Variants in SP4 observed in about 807,000 individuals in gnomAD.
SP4 encodes transcription factor Sp4.
A neutral mutation model predicts 72.8 loss-of-function variants in SP4; 19 were observed. The ratio of observed to expected loss-of-function variants is 0.26; its 90% CI spans 0.18 to 0.38. The LOEUF (loss-of-function observed/expected upper bound fraction) is 0.38. Among genes scored for constraint, SP4 ranks in the 10% least tolerant of loss-of-function variants. The probability of loss-of-function intolerance (pLI) is 1.00; values close to 1 mark genes in which losing one functional copy is unlikely to be tolerated. For missense variants in SP4, 1,008 were observed against 926.3 expected (o/e 1.09, Z -1.14); for synonymous variants, 395 against 333.1 (o/e 1.19, Z -2.02).
intron 5 of SP4, among the ~76,000 whole-genome samples, chr7:21,510,350 C>T (rs201674962): frequency 1.3e-4 from 20 of 152,002 alleles, no homozygotes; most frequent in South Asian, 2.1e-4. Context: ...ACAAAAAGGC[C>T]TTTTTGTTTT....
At chr7:21,477,370 T>A in intron 4 of SP4, 63 bp downstream of exon 4, 2 of 1,020,504 alleles carry the variant, frequency 2.0e-6, no homozygotes, top group Non-Finnish European at 1.5e-6. Flanking sequence ...TAAAACCAAG[T>A]AATTGGCTGG....
At chr7:21,480,563 T>G (rs1425252469) in intron 4 of SP4, among the ~76,000 whole-genome samples, 4 of 152,202 alleles carry the variant, frequency 2.6e-5, no homozygotes, top group Admixed American at 2.0e-4. Context: ...TTCTATAAGG[T>G]TGGTAGTGAT....
chr7:21,450,732 C>G (rs1209019850), intron 3 of SP4, among the ~76,000 whole-genome samples: 3 of 152,188 alleles, frequency 2.0e-5, no homozygotes, highest in African/African-American at 7.2e-5. Flanking sequence ...ATACTACATA[C>G]TAGCTTGTTA....
At chr7:21,477,870 G>A (rs57213984) in intron 4 of SP4, among the ~76,000 whole-genome samples, 15 of 151,826 alleles carry the variant, frequency 9.9e-5, no homozygotes, top group Non-Finnish European at 1.9e-4. Flanking sequence ...AAATATTTAC[G>A]TAACTTTATT....
chr7:21,451,681 T>C (rs538190300), intron 3 of SP4, among the ~76,000 whole-genome samples: 4 of 152,224 alleles, frequency 2.6e-5, no homozygotes, highest in South Asian at 2.1e-4. Flanking sequence ...GAGTCCCCTA[T>C]AGAAGGGTGA....
intron 5 of SP4, among the ~76,000 whole-genome samples, chr7:21,484,824 C>T (rs1389417168): frequency 6.6e-6 from 1 of 151,766 alleles, no homozygotes; most frequent in Admixed American, 6.6e-5. Context: ...TCTTACACAT[C>T]CACACACTTG....
chr7:21,467,209 A>G (rs756809922), intron 3 of SP4, among the ~76,000 whole-genome samples: 16 of 152,112 alleles, frequency 1.1e-4, no homozygotes, highest in Non-Finnish European at 1.9e-4. Context: ...GTGACAACCA[A>G]AAATGTCTCC....
intron 3 of SP4, 126 bp from the exon 4 acceptor site, chr7:21,476,953 C>A (rs1453824647): frequency 4.6e-6 from 3 of 658,442 alleles, no homozygotes; most frequent in African/African-American, 3.6e-5. Flanking sequence ...AAGCCATTAA[C>A]CCCTTAGTTT....
Position 21,429,976 on chromosome 7 carries a change from A to G in SP4, c.811A>G (p.Ile271Val). 1 of 1,614,214 alleles carries G rather than the reference A, an allele frequency of 6.2e-7. No homozygotes were observed. Among genetic ancestry groups the G allele is most frequent in the Non-Finnish European group, 8.5e-7 (1 of 1,180,032 alleles). Residue 271 changes from isoleucine to valine, a missense_variant, in exon 3 of 6, where the codon ATA (isoleucine) becomes GTA (valine). By Grantham distance (29) the Ile-to-Val change is conservative (BLOSUM62 3). Transcript: ENST00000222584. ...IGGVTLALPV[I>V]NNVAAGGGTG... ...AGGAGTGACTCTAGCTTTGCCAGTGATAAACAACGTGGCTGCCGGAGGAGG... is the reference window on the plus strand; with the variant it reads ...AGGAGTGACTCTAGCTTTGCCAGTGGTAAACAACGTGGCTGCCGGAGGAGG...
intron 5 of SP4, among the ~76,000 whole-genome samples, chr7:21,484,602 TAA>T (rs1442121225): frequency 2.6e-5 from 4 of 151,926 alleles, no homozygotes; most frequent in Non-Finnish European, 5.9e-5. Flanking sequence ...TATGATTGAT[TAA>T]AAGTTAATTC....
chr7:21,502,060 C>A lies in SP4; in HGVS notation c.2108-8962C>A, dbSNP rs531568411. 6.7e-3 allele frequency among the ~76,000 whole-genome samples: 917 copies of A among 136,760 alleles called. 17 individuals are homozygous for A. Among genetic ancestry groups the A allele is most frequent in the African/African-American group, 0.024 (851 of 36,030 alleles). The allele number at this position is 136,760 out of a possible 152,430, so 89.7% of individuals were successfully genotyped here. A position where few individuals can be genotyped will look rare whatever the true frequency, so the allele number is the denominator to read the frequency against. Reference sequence around the variant, plus strand: ...TAGGCACCCCCCCCCCCCCGGAACTCCTATAGAGTTAACATATATATTGGG... The same window carrying A: ...TAGGCACCCCCCCCCCCCCGGAACTACTATAGAGTTAACATATATATTGGG... On this transcript the variant is annotated intron_variant, in intron 5 of 5. Transcript: ENST00000222584.
intron 5 of SP4, among the ~76,000 whole-genome samples, chr7:21,484,001 A>G (rs1327446428): frequency 1.3e-5 from 2 of 151,936 alleles, no homozygotes; most frequent in African/African-American, 4.8e-5. Context: ...GATATTTTGA[A>G]TATATTACTT....
At chr7:21,472,788 A>T (rs1488687655) in intron 3 of SP4, among the ~76,000 whole-genome samples, 1 of 152,026 alleles carries the variant, frequency 6.6e-6, no homozygotes, top group African/African-American at 2.4e-5. Flanking sequence ...AAAAAAGAAA[A>T]AAAAAAGCAA....
At chr7:21,504,680 C>A (rs1251500383) in intron 5 of SP4, among the ~76,000 whole-genome samples, 2 of 152,244 alleles carry the variant, frequency 1.3e-5, no homozygotes, top group East Asian at 1.9e-4. Flanking sequence ...TTGTTACAAG[C>A]AAATAATTTT....
chr7:21,428,199 C>CCCCCCCCCA lies in SP4; in HGVS notation c.-53_-52insCCCCCCCCA. 8.9e-7 allele frequency: 1 copy of CCCCCCCCCA among 1,119,138 alleles called. No homozygotes were observed. Among genetic ancestry groups the CCCCCCCCCA allele is most frequent in the Non-Finnish European group, 1.3e-6 (1 of 767,810 alleles). The allele number at this position is 1,119,138 out of a possible 1,614,324, so 69.3% of individuals were successfully genotyped here. On this transcript the variant is annotated 5_prime_UTR_variant, in exon 1 of 6. Transcript: ENST00000222584. ...TCTCCTCCCGCCTCGCCCCCACCCCCACCCACCTCTATCCCAGTGTCTCCG... is the reference window on the plus strand; with the variant it reads ...TCTCCTCCCGCCTCGCCCCCACCCCCCCCCCCCCAACCCACCTCTATCCCAGTGTCTCCG...
chr7:21,462,291 A>T (rs1784020061), intron 3 of SP4, among the ~76,000 whole-genome samples: 1 of 152,122 alleles, frequency 6.6e-6, no homozygotes, highest in African/African-American at 2.4e-5. Flanking sequence ...TTTCGGGACC[A>T]TAGTATTGAC....
chr7:21,439,877 G>A (rs1783183645), intron 3 of SP4, among the ~76,000 whole-genome samples: 1 of 152,162 alleles, frequency 6.6e-6, no homozygotes, highest in African/African-American at 2.4e-5. Context: ...CTCCAGTCTG[G>A]GTGAGAGAGT....
intron 5 of SP4, among the ~76,000 whole-genome samples, chr7:21,491,488 G>C (rs1265317861): frequency 6.6e-6 from 1 of 152,126 alleles, no homozygotes; most frequent in Admixed American, 6.5e-5. Context: ...AAATACTGCT[G>C]TAAGACAAAA....
chr7:21,490,095 C>G lies in SP4; in HGVS notation c.2107+7972C>G, dbSNP rs141097480. Among the ~76,000 whole-genome samples the G allele has an allele frequency of 8.4e-4, 128 of 152,330 alleles. No individual in the cohort carries two copies. In the East Asian group the frequency reaches 0.022, roughly 26 times the overall value. On this transcript the variant is annotated intron_variant, in intron 5 of 5. Coordinates refer to ENST00000222584, the MANE Select transcript of SP4 (RefSeq NM_003112.5). ...ACACTAAAAACTCTGGACAAGTTTA[C>G]TTATTTGTTTTCTTAAGTATCTAAA... is the stretch of plus-strand genomic sequence containing the variant.
Sources: allele counts gnomAD v4.1 joint callset (sites outside exome capture counted in the v4.1 genomes callset), GRCh38; gene constraint gnomAD v4.1.1; transcripts MANE v1.5; gene names NCBI Gene and HGNC (gene_info 2026-07-23, HGNC 2026-07-21).